Variants in CDH18 observed in about 807,000 individuals in gnomAD.
CDH18 encodes cadherin 18, also known as cadherin-18.
CDH18 carries 31 observed loss-of-function variants against 67.9 expected under a neutral mutation model. The observed-to-expected ratio is 0.46, with a 90% CI of 0.34 to 0.62. The LOEUF is 0.62. Among genes scored for constraint, CDH18 ranks in the 20% least tolerant of loss-of-function variants. CDH18 has a pLI of 0.01. For missense variants in CDH18, 890 were observed against 975.5 expected, an observed-to-expected ratio of 0.91 and a Z score of 1.17; for synonymous variants, 362 against 347.2, an observed-to-expected ratio of 1.04 and a Z score of -0.48.
chr5:20,515,850 T>C (rs762921003), intron 1 of CDH18, among the ~76,000 whole-genome samples: 25 of 152,088 alleles, frequency 1.6e-4, no homozygotes, highest in Non-Finnish European at 3.5e-4. Flanking sequence ...TTCGCATCTA[T>C]GAACATTTAC....
intron 1 of CDH18, among the ~76,000 whole-genome samples, chr5:20,456,917 C>T (rs2150216093): frequency 6.6e-6 from 1 of 152,164 alleles, no homozygotes; most frequent in South Asian, 2.1e-4. Context: ...CCAAGAATGT[C>T]GGGTTGACAT....
At chr5:19,681,560 T>C in intron 5 of CDH18, among the ~76,000 whole-genome samples, 1 of 151,972 alleles carries the variant, frequency 6.6e-6, no homozygotes, top group Non-Finnish European at 1.5e-5. Context: ...TCTTTTACCT[T>C]GTCAATAGCT....
At chr5:20,437,583 A>G (rs1293925670) in intron 1 of CDH18, among the ~76,000 whole-genome samples, 1 of 151,340 alleles carries the variant, frequency 6.6e-6, no homozygotes. Context: ...AATTTCATCA[A>G]AATTGAACTA....
chr5:19,871,462 C>A (rs1020815476), intron 2 of CDH18, among the ~76,000 whole-genome samples: 2 of 152,044 alleles, frequency 1.3e-5, no homozygotes, highest in Non-Finnish European at 1.5e-5. Context: ...CAAAGCAAAG[C>A]GAAATGAAAT....
intron 1 of CDH18, among the ~76,000 whole-genome samples, chr5:20,405,218 G>C (rs1317990449): frequency 1.3e-5 from 2 of 152,080 alleles, no homozygotes; most frequent in Non-Finnish European, 2.9e-5. Context: ...AAAACAGCAT[G>C]GTACTGGTAT....
Position 19,613,124 on chromosome 5 carries a change from G to A in CDH18, c.644-523C>T, listed in dbSNP as rs1470727584. The stretch of plus-strand genomic sequence containing the variant: ...CACGCCACTGCACTCCAGCCTGGGC[G>A]ACAGAGTGAGACTCCAACTAAAAAA... On this transcript the variant is annotated intron_variant, in intron 5 of 12. Transcript: ENST00000382275. Among the ~76,000 whole-genome samples the A allele has an allele frequency of 3.3e-5, 5 of 152,152 alleles. 1 individual carries two copies. In the South Asian group the frequency reaches 8.3e-4, roughly 25 times the overall value.
chr5:19,560,732 T>C (rs1739291801), intron 8 of CDH18, among the ~76,000 whole-genome samples: 1 of 151,798 alleles, frequency 6.6e-6, no homozygotes. Context: ...GACAACCCAC[T>C]GAGTGGGGGA....
rs111936108 is a variant in CDH18, at chr5:20,156,424, T to G, written c.-518+99020A>C. On this transcript the variant is annotated intron_variant, in intron 2 of 14. Coordinates refer to the CDH18 transcript ENST00000507958. ...CAAAAAAGAATGAAATAATGTTCTT[T>G]GCAACAACATGGATGCAGCTGGAGC... 4.2e-3 allele frequency among the ~76,000 whole-genome samples: 632 copies of G among 152,268 alleles called. 7 individuals are homozygous for G. Among genetic ancestry groups the G allele is most frequent in the African/African-American group, 0.015 (610 of 41,564 alleles).
chr5:19,747,734 T>A (rs1770215279), intron 3 of CDH18, among the ~76,000 whole-genome samples: 1 of 138,844 alleles, frequency 7.2e-6, no homozygotes, highest in African/African-American at 2.6e-5. Flanking sequence ...TAAGTCATAG[T>A]CACAGTCATG....
intron 11 of CDH18, among the ~76,000 whole-genome samples, chr5:19,495,308 T>A (rs1742108373): frequency 6.6e-6 from 1 of 152,170 alleles, no homozygotes; most frequent in Admixed American, 6.5e-5. Flanking sequence ...TCTCTGAAAC[T>A]CCATTTATGT....
chr5:20,539,814 G>A (rs538048878), intron 1 of CDH18, among the ~76,000 whole-genome samples: 40 of 150,836 alleles, frequency 2.7e-4, no homozygotes, highest in African/African-American at 9.7e-4. Context: ...CAACCATGAA[G>A]TAATTTACTA....
At chr5:19,551,027 C>A (rs1737344745) in intron 8 of CDH18, among the ~76,000 whole-genome samples, 1 of 152,074 alleles carries the variant, frequency 6.6e-6, no homozygotes, top group Admixed American at 6.5e-5. Context: ...ATAATTATTA[C>A]CTTTCTAGAT....
chr5:19,622,583 T>C (rs890011346), intron 5 of CDH18, among the ~76,000 whole-genome samples: 3 of 152,204 alleles, frequency 2.0e-5, no homozygotes, highest in African/African-American at 7.2e-5. Flanking sequence ...GTTTTTGCTC[T>C]GTTCTTGAGG....
chr5:19,473,756 A>G (rs185218049), intron 12 of CDH18, 40 bp from the exon 13 acceptor site: 4 of 1,478,108 alleles, frequency 2.7e-6, no homozygotes, highest in Non-Finnish European at 3.6e-6. Flanking sequence ...TTAAGAAAAC[A>G]GGAAGGAAAT....
intron 2 of CDH18, among the ~76,000 whole-genome samples, chr5:20,076,548 A>G (rs1340338876): frequency 6.6e-6 from 1 of 152,072 alleles, no homozygotes. Context: ...GATTCCCAAA[A>G]AAAAAAAGGC....
chr5:19,577,633 T>C (rs574051186), intron 7 of CDH18, among the ~76,000 whole-genome samples: 68 of 152,276 alleles, frequency 4.5e-4, no homozygotes, highest in Non-Finnish European at 8.2e-4. Flanking sequence ...ATGATGAGTT[T>C]AGAAATGTTG....
chr5:20,274,932 C>T (rs1379415570), intron 1 of CDH18, among the ~76,000 whole-genome samples: 1 of 152,044 alleles, frequency 6.6e-6, no homozygotes, highest in Non-Finnish European at 1.5e-5. Flanking sequence ...CATTCCAAAA[C>T]CTCTGACCAT....
chr5:20,002,286 A>G (rs1300858784), intron 2 of CDH18, among the ~76,000 whole-genome samples: 2 of 152,218 alleles, frequency 1.3e-5, no homozygotes, highest in African/African-American at 4.8e-5. Flanking sequence ...TATGGTAGAT[A>G]CAGTTCTTAT....
At chr5:19,803,528 C>T (rs1243594958) in intron 3 of CDH18, among the ~76,000 whole-genome samples, 2 of 152,192 alleles carry the variant, frequency 1.3e-5, no homozygotes, top group Non-Finnish European at 2.9e-5. Flanking sequence ...AACATAACCA[C>T]AACTGCACAG....
Sources: gnomAD v4.1 joint callset for allele counts (sites outside exome capture counted in the v4.1 genomes callset) on GRCh38, gnomAD v4.1.1 for gene constraint, MANE v1.5 for transcripts, NCBI Gene and HGNC (gene_info 2026-07-23, HGNC 2026-07-21) for gene names.